The following SH2D1B variants were observed in gnomAD, a reference collection of about 807,000 sequenced individuals.
SH2D1B encodes SH2 domain containing 1B.
A neutral mutation model predicts 16.3 loss-of-function variants in SH2D1B; 11 were observed. The ratio of observed to expected loss-of-function variants is 0.67; its 90% CI spans 0.42 to 1.11. The LOEUF (loss-of-function observed/expected upper bound fraction) is 1.11. Ranked by LOEUF, SH2D1B falls within the 50% of genes most tolerant of loss-of-function variation. The pLI is 0.00. For synonymous variants in SH2D1B, 55 were observed against 56.1 expected, an observed-to-expected ratio of 0.98 and a Z score of 0.09; for missense variants, 123 against 153.1, an observed-to-expected ratio of 0.80 and a Z score of 1.04.
At chr1:162,406,941 C>T (rs1206042368) in intron 1 of SH2D1B, among the ~76,000 whole-genome samples, 3 of 152,214 alleles carry the variant, frequency 2.0e-5, no homozygotes, top group Non-Finnish European at 4.4e-5. Flanking sequence ...AGTCACACTA[C>T]ACAGACAACC....
chr1:162,409,919 G>A (rs1269021802), intron 1 of SH2D1B, among the ~76,000 whole-genome samples: 2 of 152,110 alleles, frequency 1.3e-5, no homozygotes, highest in East Asian at 1.9e-4. Flanking sequence ...GTAGATATGA[G>A]AGAAATAGCC....
Position 162,406,450 on chromosome 1 carries a change from C to T in SH2D1B, c.135-3648G>A, listed in dbSNP as rs557331600. 1.2e-3 allele frequency among the ~76,000 whole-genome samples: 182 copies of T among 152,196 alleles called. 1 individual carries two copies. The highest frequency in any genetic ancestry group is 7.9e-3 in the South Asian group (38 of 4,822). On this transcript the variant is annotated intron_variant, in intron 1 of 3. Transcript: ENST00000367929. ...AATTATGGAGAAAACAGGTTGCAAG[C>T]CATCATGTATAATGAACCATTTATG...
intron 1 of SH2D1B, among the ~76,000 whole-genome samples, chr1:162,403,488 GAA>G (rs1172751501): frequency 1.5e-3 from 30 of 20,672 alleles, no homozygotes; most frequent in South Asian, 5.9e-3. Flanking sequence ...GACTCTGTCT[GAA>G]AAAAAAAAAA....
At chr1:162,408,858 AG>A (rs1648720962) in intron 1 of SH2D1B, among the ~76,000 whole-genome samples, 1 of 152,206 alleles carries the variant, frequency 6.6e-6, no homozygotes, top group African/African-American at 2.4e-5. Flanking sequence ...CTGTAATCCC[AG>A]CACTTTGGGA....
rs544567952 is a variant in SH2D1B, at chr1:162,409,019, G to A, written c.134+2864C>T. Among the ~76,000 whole-genome samples, 5 of 151,496 alleles carry A rather than the reference G, an allele frequency of 3.3e-5. No homozygotes were observed. The East Asian group carries it at 7.8e-4, about 24-fold the overall frequency. ...GATACTCAGGGGGCCTGAGACAGGA[G>A]AATCTCTTGAACCCAGAAGGTTGAG... On this transcript the variant is annotated intron_variant, in intron 1 of 3. Coordinates refer to ENST00000367929, the MANE Select transcript of SH2D1B (RefSeq NM_053282.5).
Position 162,399,061 on chromosome 1 carries a change from G to T in SH2D1B, c.225C>A (p.Val75=). Residue 75 remains valine (V), a synonymous_variant, in exon 3 of 4, where the codon GTC becomes GTA. Coordinates refer to ENST00000367929, the MANE Select transcript of SH2D1B (RefSeq NM_053282.5). ...IQTAEGSPKQ[V]FPSLKELISK... ...AGATCAGTTCCTTTAGGCTTGGAAA[G>T]ACCTGTTTTGGAGAACCTTCTGCAG... 1 of 1,613,212 alleles carries T rather than the reference G, an allele frequency of 6.2e-7. No homozygotes were observed.
At chr1:162,398,113 G>T (rs1270856331) in intron 3 of SH2D1B, among the ~76,000 whole-genome samples, 1 of 152,154 alleles carries the variant, frequency 6.6e-6, no homozygotes, top group East Asian at 1.9e-4. Context: ...TGACTTTGCC[G>T]CAGACAGAGT....
chr1:162,406,353 A>G (rs916782305), intron 1 of SH2D1B, among the ~76,000 whole-genome samples: 3 of 152,354 alleles, frequency 2.0e-5, no homozygotes, highest in Admixed American at 2.0e-4. Flanking sequence ...ACATTATGAT[A>G]TATCAAATCA....
chr1:162,400,830 T>A (rs1334654694), intron 2 of SH2D1B, among the ~76,000 whole-genome samples: 1 of 151,884 alleles, frequency 6.6e-6, no homozygotes. Flanking sequence ...ACGCCTGTAA[T>A]CCCAGCTACT....
intron 3 of SH2D1B, 134 bp from the exon 4 acceptor site, chr1:162,397,449 C>G: frequency 1.2e-6 from 1 of 847,358 alleles, no homozygotes; most frequent in Non-Finnish European, 1.9e-6. Flanking sequence ...AAAGTTGTAT[C>G]TTTAAAGGCT....
intron 1 of SH2D1B, among the ~76,000 whole-genome samples, chr1:162,409,518 C>T (rs1357366015): frequency 6.6e-6 from 1 of 152,154 alleles, no homozygotes; most frequent in Non-Finnish European, 1.5e-5. Context: ...CCTGTTCCTA[C>T]CTCCTCCCCT....
chr1:162,409,007 C>T (rs538278884), intron 1 of SH2D1B, among the ~76,000 whole-genome samples: 1 of 151,424 alleles, frequency 6.6e-6, no homozygotes, highest in East Asian at 2.0e-4. Context: ...ACTCAGGGGG[C>T]CTGAGACAGG....
intron 2 of SH2D1B, among the ~76,000 whole-genome samples, chr1:162,400,723 G>A (rs952893235): frequency 8.6e-5 from 13 of 151,954 alleles, no homozygotes; most frequent in African/African-American, 2.9e-4. Flanking sequence ...CAAGGTGGGT[G>A]GATCACTTGA....
At chr1:162,400,463 T>TTC (rs1189896905) in intron 2 of SH2D1B, among the ~76,000 whole-genome samples, 1 of 141,602 alleles carries the variant, frequency 7.1e-6, no homozygotes, top group Non-Finnish European at 1.5e-5. Flanking sequence ...GCTAATTTTT[T>TTC]TTTTTTTTTT....
rs1241054289 is a variant in SH2D1B, at chr1:162,400,286, C to CTTTTTTTTTTTTTTTTTTTTTTTT, written c.199-1200_199-1199insAAAAAAAAAAAAAAAAAAAAAAAA. 6.0e-5 allele frequency among the ~76,000 whole-genome samples: 5 copies of CTTTTTTTTTTTTTTTTTTTTTTTT among 83,284 alleles called. No individual in the cohort carries two copies. The East Asian group carries it at 1.2e-3, about 20-fold the overall frequency. 54.6% of individuals were successfully genotyped at this position (83,284 alleles called of 152,430 possible). ...CTGTTTACCAGCTATACACCACGTA[C>CTTTTTTTTTTTTTTTTTTTTTTTT]TTTTTTTTTTTTTTTTTTTTTTTGA... On this transcript the variant is annotated intron_variant, in intron 2 of 3. Transcript: ENST00000367929.
chr1:162,403,511 A>AATAT (rs201259868), intron 1 of SH2D1B, among the ~76,000 whole-genome samples: 76 of 41,972 alleles, frequency 1.8e-3, no homozygotes, highest in African/African-American at 6.4e-3. Flanking sequence ...AAAAAAAAAA[A>AATAT]ATATATATAT....
chr1:162,407,837 A>C (rs1181095066), intron 1 of SH2D1B, among the ~76,000 whole-genome samples: 1 of 152,180 alleles, frequency 6.6e-6, no homozygotes, highest in East Asian at 1.9e-4. Context: ...TAACTTCATG[A>C]GGGCAGAAAC....
intron 1 of SH2D1B, among the ~76,000 whole-genome samples, chr1:162,407,150 T>C (rs1024249309): frequency 6.6e-6 from 1 of 152,252 alleles, no homozygotes; most frequent in African/African-American, 2.4e-5. Context: ...AGTCCTGAAG[T>C]ATCGGGGGAA....
chr1:162,411,275 T>G (rs1648789236), intron 1 of SH2D1B, among the ~76,000 whole-genome samples: 1 of 152,196 alleles, frequency 6.6e-6, no homozygotes, highest in East Asian at 1.9e-4. Flanking sequence ...ATGTTTAACT[T>G]AGACTCTGGA....
Sources: allele counts gnomAD v4.1 joint callset (sites outside exome capture counted in the v4.1 genomes callset), GRCh38; gene constraint gnomAD v4.1.1; transcripts MANE v1.5; gene names NCBI Gene and HGNC (gene_info 2026-07-23, HGNC 2026-07-21).